The following ZBTB20 variants were observed in gnomAD, a reference collection of about 807,000 sequenced individuals.
ZBTB20 encodes the protein zinc finger and BTB domain containing 20.
A neutral mutation model predicts 56.9 loss-of-function variants in ZBTB20; 9 were observed. The observed-to-expected ratio is 0.16, with a 90% CI of 0.10 to 0.28. The LOEUF (loss-of-function observed/expected upper bound fraction) is 0.28, where lower values mean the gene tolerates loss of function less well. Ranked by LOEUF, ZBTB20 falls within the 10% of genes least tolerant of loss-of-function variation. The pLI, the probability that ZBTB20 is intolerant of heterozygous loss-of-function variation, is 1.00. For synonymous variants in ZBTB20, 417 were observed against 420.7 expected, an observed-to-expected ratio of 0.99 and a Z score of 0.11; for missense variants, 655 against 1,003.0, an observed-to-expected ratio of 0.65 and a Z score of 4.69.
chr3:115,040,562 A>G (rs549850803), intron 2 of ZBTB20, among the ~76,000 whole-genome samples: 1 of 152,290 alleles, frequency 6.6e-6, no homozygotes, highest in Admixed American at 6.5e-5. Flanking sequence ...TTAGTGAAAA[A>G]GGCAAGAAAT....
chr3:115,000,469 T>C (rs1232044938), intron 2 of ZBTB20, among the ~76,000 whole-genome samples: 3 of 151,538 alleles, frequency 2.0e-5, no homozygotes, highest in Non-Finnish European at 4.4e-5. Flanking sequence ...ACTGTTTTCT[T>C]TTCCAGTAAT....
At chr3:114,737,441 C>A (rs2066260102) in intron 5 of ZBTB20, among the ~76,000 whole-genome samples, 1 of 152,056 alleles carries the variant, frequency 6.6e-6, no homozygotes, top group Non-Finnish European at 1.5e-5. Flanking sequence ...ACTATCAAGA[C>A]AGCATGAACA....
chr3:114,742,310 G>T (rs947924423), intron 5 of ZBTB20, among the ~76,000 whole-genome samples: 1 of 152,102 alleles, frequency 6.6e-6, no homozygotes, highest in Non-Finnish European at 1.5e-5. Flanking sequence ...TAGGAAGTAA[G>T]AACGGCAAAA....
chr3:114,916,986 CCT>C (rs1041558558), intron 3 of ZBTB20, among the ~76,000 whole-genome samples: 1 of 152,104 alleles, frequency 6.6e-6, no homozygotes, highest in Non-Finnish European at 1.5e-5. Context: ...TCTACCTCTA[CCT>C]CTCTCTTTAC....
chr3:114,486,700 G>A (rs777912824), intron 7 of ZBTB20, among the ~76,000 whole-genome samples: 15 of 152,150 alleles, frequency 9.9e-5, no homozygotes, highest in Non-Finnish European at 2.2e-4. Context: ...TCTTTCATGA[G>A]ACACACGGTT....
intron 6 of ZBTB20, among the ~76,000 whole-genome samples, chr3:114,557,754 C>T (rs1272918602): frequency 6.6e-6 from 1 of 151,952 alleles, no homozygotes; most frequent in Non-Finnish European, 1.5e-5. Context: ...TTGCATACTA[C>T]ACCAAATTTG....
intron 2 of ZBTB20, among the ~76,000 whole-genome samples, chr3:115,016,290 C>G (rs1456148498): frequency 6.6e-6 from 1 of 151,944 alleles, no homozygotes; most frequent in Non-Finnish European, 1.5e-5. Context: ...ATGATAGTTT[C>G]TTTTGCTGAG....
chr3:114,320,620 T>C lies in ZBTB20; in HGVS notation c.*18385A>G, dbSNP rs2078860193. The C allele has an allele frequency of 6.6e-6, 1 of 152,222 alleles. No individual in the cohort carries two copies. Among genetic ancestry groups the C allele is most frequent in the Admixed American group, 6.5e-5 (1 of 15,288 alleles). 9.4% of individuals were successfully genotyped at this position (152,222 alleles called of 1,614,324 possible). A position where few individuals can be genotyped will look rare whatever the true frequency, so the allele number is the denominator to read the frequency against. The stretch of plus-strand genomic sequence containing the variant: ...GCTCTTCTGTCTTTTCCTTCAACTT[T>C]TAATCTTTTACTCCCTAGTTCTTTA... On this transcript the variant is annotated 3_prime_UTR_variant, in exon 12 of 12. Transcript: ENST00000675478.
chr3:115,139,358 T>C (rs1052615077), intron 1 of ZBTB20, among the ~76,000 whole-genome samples: 20 of 152,070 alleles, frequency 1.3e-4, no homozygotes, highest in African/African-American at 4.8e-4. Context: ...AATTAGAACT[T>C]TGAGGTTATC....
chr3:114,856,833 G>A (rs2075277041), intron 4 of ZBTB20, among the ~76,000 whole-genome samples: 1 of 152,108 alleles, frequency 6.6e-6, no homozygotes, highest in South Asian at 2.1e-4. Context: ...GAGACAAAGT[G>A]ACAGAAATAT....
intron 2 of ZBTB20, among the ~76,000 whole-genome samples, chr3:115,064,818 T>C (rs115873267): frequency 0.015 from 2,331 of 152,256 alleles, 33 homozygotes; most frequent in South Asian, 0.05. Context: ...TCAGATACCA[T>C]TCTGGTTCTT....
At chr3:115,032,641 G>T (rs1038720729) in intron 2 of ZBTB20, among the ~76,000 whole-genome samples, 1 of 151,348 alleles carries the variant, frequency 6.6e-6, no homozygotes, top group South Asian at 2.1e-4. Flanking sequence ...CCACATATTA[G>T]GCCACAAATT....
intron 7 of ZBTB20, among the ~76,000 whole-genome samples, chr3:114,450,867 C>T (rs545994345): frequency 6.6e-6 from 1 of 152,184 alleles, no homozygotes; most frequent in African/African-American, 2.4e-5. Context: ...AGAAGGCAAT[C>T]ATACCAATTG....
At chr3:115,021,559 AT>A (rs1387034083) in intron 2 of ZBTB20, among the ~76,000 whole-genome samples, 1 of 150,978 alleles carries the variant, frequency 6.6e-6, no homozygotes, top group Non-Finnish European at 1.5e-5. Flanking sequence ...TTATTTAAAA[AT>A]TTTTATATAA....
At chr3:115,130,081 T>C (rs1560595059) in intron 1 of ZBTB20, among the ~76,000 whole-genome samples, 1 of 152,210 alleles carries the variant, frequency 6.6e-6, no homozygotes, top group Non-Finnish European at 1.5e-5. Context: ...CAACATTATT[T>C]TACTTGACTC....
At chr3:114,759,490 A>G (rs1356424222) in intron 5 of ZBTB20, among the ~76,000 whole-genome samples, 1 of 152,142 alleles carries the variant, frequency 6.6e-6, no homozygotes, top group Non-Finnish European at 1.5e-5. Context: ...GTGCCAACAC[A>G]GTCATTGGGC....
At chr3:114,900,012 G>A (rs911951008) in intron 4 of ZBTB20, among the ~76,000 whole-genome samples, 23 of 152,020 alleles carry the variant, frequency 1.5e-4, no homozygotes, top group Non-Finnish European at 2.4e-4. Context: ...CCACATCACC[G>A]TTCACTTTAA....
chr3:114,804,253 G>T (rs962015206), intron 4 of ZBTB20, among the ~76,000 whole-genome samples: 3 of 151,842 alleles, frequency 2.0e-5, no homozygotes, highest in African/African-American at 7.3e-5. Flanking sequence ...AAAACCTGAA[G>T]GGGGGTGAGA....
intron 1 of ZBTB20, among the ~76,000 whole-genome samples, chr3:115,126,728 T>G (rs1227612720): frequency 6.6e-6 from 1 of 152,164 alleles, no homozygotes; most frequent in Non-Finnish European, 1.5e-5. Context: ...GTATTATTTA[T>G]GAAAAAATGG....
Sources: gnomAD v4.1 joint callset for allele counts (sites outside exome capture counted in the v4.1 genomes callset) on GRCh38, gnomAD v4.1.1 for gene constraint, MANE v1.5 for transcripts, NCBI Gene and HGNC (gene_info 2026-07-23, HGNC 2026-07-21) for gene names.